Variants in GALNT18 observed in about 807,000 individuals in gnomAD.
GALNT18 encodes the protein GalNAc-transferase 18.
In GALNT18, 44 loss-of-function variants were observed where a neutral mutation model predicts 69.5. The ratio of observed to expected loss-of-function variants is 0.63; its 90% confidence interval spans 0.50 to 0.81. GALNT18 has a LOEUF of 0.81. GALNT18 is among the 40% of genes least tolerant of loss of function. The pLI is 0.00. For missense variants in GALNT18, 715 were observed against 810.0 expected, an observed-to-expected ratio of 0.88 and a Z score of 1.42; for synonymous variants, 364 against 318.2, an observed-to-expected ratio of 1.14 and a Z score of -1.53.
intron 1 of GALNT18, among the ~76,000 whole-genome samples, chr11:11,452,758 C>T (rs1855832520): frequency 6.6e-6 from 1 of 152,124 alleles, no homozygotes; most frequent in Admixed American, 6.5e-5. Flanking sequence ...ATACCCAGAC[C>T]CTCTGATGTC....
At chr11:11,486,511 C>A (rs752496044) in intron 1 of GALNT18, among the ~76,000 whole-genome samples, 1 of 152,218 alleles carries the variant, frequency 6.6e-6, no homozygotes, top group Non-Finnish European at 1.5e-5. Context: ...AAAAATAATT[C>A]ATAGTACTAG....
rs753837889 is a variant in GALNT18, at chr11:11,621,511, T to C, written c.83A>G (p.Tyr28Cys). ...GATGTAGTTGGTGACCCAGCCCACG[T>C]AGAGCAGGCAGATGATGTTAGTCAT... ...SGMTNIICLL[Y>C]VGWVTNYIAS... Residue 28 changes from tyrosine (Y) to cysteine (C), a missense_variant, in exon 1 of 11, where the codon TAC becomes TGC. Tyr to Cys is a radical substitution (Grantham distance 194). Coordinates refer to ENST00000227756, the MANE Select transcript of GALNT18 (RefSeq NM_198516.3). The surrounding 1 kb of genome is among the most constrained non-coding windows in gnomAD (Gnocchi z 9.3). 5 of 1,614,012 alleles carry C rather than the reference T, an allele frequency of 3.1e-6. No individual in the cohort carries two copies. The highest frequency in any genetic ancestry group is 3.4e-6 in the Non-Finnish European group (4 of 1,180,024).
At chr11:11,475,317 T>C (rs1211421883) in intron 1 of GALNT18, 3 of 152,250 alleles carry the variant, frequency 2.0e-5, no homozygotes, top group Non-Finnish European at 2.9e-5. Context: ...GCTGTTAACA[T>C]CTACTTTCCA....
Position 11,340,837 on chromosome 11 carries a change from T to C in GALNT18, c.1260A>G (p.Ala420=), listed in dbSNP as rs140776632. The change falls in exon 7 of 11, where the codon GCA becomes GCG. Residue 420 remains alanine (A), a synonymous_variant. Transcript: ENST00000227756. The surrounding 1 kb of genome is among the most constrained non-coding windows in gnomAD (Gnocchi z 4.2). ...MDEFKSHVYM[A]WNIPQEDSGI... ...TCCCTACCTCCTGCGGTATGTTCCA[T>C]GCCATGTAGACGTGGCTTTTAAATT... The C allele has an allele frequency of 1.3e-4, 202 of 1,613,444 alleles. No individual in the cohort carries two copies. The highest frequency in any genetic ancestry group is 3.3e-4 in the East Asian group (15 of 44,866).
intron 3 of GALNT18, among the ~76,000 whole-genome samples, chr11:11,427,930 T>G (rs933258901): frequency 2.0e-5 from 3 of 152,136 alleles, no homozygotes; most frequent in African/African-American, 7.2e-5. Context: ...TGAGAAAACC[T>G]AAGCCCAGAG....
intron 3 of GALNT18, among the ~76,000 whole-genome samples, chr11:11,412,291 G>C (rs541117369): frequency 6.6e-6 from 1 of 152,240 alleles, no homozygotes; most frequent in African/African-American, 2.4e-5. Flanking sequence ...GGCCCTACTA[G>C]ACCCCTACTA....
At chr11:11,548,498 A>T (rs972145884) in intron 1 of GALNT18, among the ~76,000 whole-genome samples, 1 of 152,160 alleles carries the variant, frequency 6.6e-6, no homozygotes, top group African/African-American at 2.4e-5. Context: ...GCTCACAGGA[A>T]CCTCTGCATG....
intron 1 of GALNT18, among the ~76,000 whole-genome samples, chr11:11,548,081 C>A (rs1251021865): frequency 6.6e-6 from 1 of 152,208 alleles, no homozygotes; most frequent in African/African-American, 2.4e-5. Flanking sequence ...CCTCATGATG[C>A]AAGATGCCAG....
chr11:11,370,022 C>T (rs780304474), intron 6 of GALNT18, among the ~76,000 whole-genome samples: 5 of 152,004 alleles, frequency 3.3e-5, no homozygotes, highest in Admixed American at 2.0e-4. Flanking sequence ...CTACCTCTTA[C>T]GAGGTACATG....
chr11:11,556,674 A>G (rs1156777139), intron 1 of GALNT18, among the ~76,000 whole-genome samples: 3 of 152,244 alleles, frequency 2.0e-5, no homozygotes, highest in African/African-American at 7.2e-5. Context: ...TGAAAACAGG[A>G]AAGCAGGATA....
intron 1 of GALNT18, among the ~76,000 whole-genome samples, chr11:11,466,368 T>G (rs4910349): frequency 6.6e-6 from 1 of 152,174 alleles, no homozygotes; most frequent in Non-Finnish European, 1.5e-5. Flanking sequence ...TGAAAACAAA[T>G]AGAAACAATG....
At chr11:11,331,926 G>A (rs541078158) in intron 8 of GALNT18, among the ~76,000 whole-genome samples, 3 of 152,192 alleles carry the variant, frequency 2.0e-5, no homozygotes, top group Admixed American at 2.0e-4. Flanking sequence ...TTGAGAAAAT[G>A]GGAGAGTTTA....
intron 9 of GALNT18, among the ~76,000 whole-genome samples, chr11:11,300,648 T>C (rs909256502): frequency 2.6e-5 from 4 of 152,182 alleles, no homozygotes; most frequent in Middle Eastern, 3.4e-3. Context: ...GCAAAGGTCA[T>C]TGAAGGCACA....
intron 1 of GALNT18, among the ~76,000 whole-genome samples, chr11:11,467,219 C>T (rs78188042): frequency 0.12 from 18,431 of 152,178 alleles, 1,600 homozygotes; most frequent in East Asian, 0.36. Context: ...CACACTGACA[C>T]GCAGAAGCCA....
rs1401406793 is a variant in GALNT18, at chr11:11,506,948, G to GA, written c.236-58013dup. On this transcript the variant is annotated intron_variant, in intron 1 of 10. Coordinates refer to ENST00000227756, the MANE Select transcript of GALNT18 (RefSeq NM_198516.3). Reference sequence around the variant, plus strand: ...CTTCCACAGTAGATGCCCCAGACAAGAAAAAGTACAGGACAAAACCCTTCA... The same window carrying GA: ...CTTCCACAGTAGATGCCCCAGACAAGAAAAAAGTACAGGACAAAACCCTTCA... Among the ~76,000 whole-genome samples, 11 of 152,222 alleles carry GA rather than the reference G, an allele frequency of 7.2e-5. No individual in the cohort carries two copies. The East Asian group carries it at 2.1e-3, about 29-fold the overall frequency.
At chr11:11,487,476 G>A (rs1856669237) in intron 1 of GALNT18, among the ~76,000 whole-genome samples, 1 of 152,142 alleles carries the variant, frequency 6.6e-6, no homozygotes, top group African/African-American at 2.4e-5. Context: ...TTAGTATTAG[G>A]AAATGCTAGT....
At chr11:11,490,356 G>A (rs762987698) in intron 1 of GALNT18, among the ~76,000 whole-genome samples, 2 of 151,870 alleles carry the variant, frequency 1.3e-5, no homozygotes, top group Admixed American at 6.6e-5. Flanking sequence ...TCAGAACTAT[G>A]AGCCAATAAA....
rs567601154 is a variant in GALNT18 at position 11,382,844 on chromosome 11, A to C, written c.596-3580T>G. On this transcript the variant is annotated intron_variant, in intron 3 of 10. Transcript: ENST00000227756. This position sits in a 1 kb window ranked among gnomAD's most constrained non-coding sequence, Gnocchi z 4.3. The stretch of plus-strand genomic sequence containing the variant: ...ACAGTAGTATAATTGTGGAAGGAAA[A>C]GGGAAGGTATATTTTGTGCTTGTTT... Among the ~76,000 whole-genome samples the C allele has an allele frequency of 8.5e-5, 13 of 152,280 alleles. No homozygotes were observed. In the East Asian group the frequency reaches 2.3e-3, roughly 27 times the overall value.
rs1010223017 is a variant in GALNT18 at position 11,415,681 on chromosome 11, AC to A, written c.595+16939del. ...CTAAAGTGGGCATAAAAACCCTAAA[AC>A]ATAGAACAGAAAAGACAGAATCTAT... On this transcript the variant is annotated intron_variant, in intron 3 of 10. Coordinates refer to ENST00000227756, the MANE Select transcript of GALNT18 (RefSeq NM_198516.3). This position sits in a 1 kb window ranked among gnomAD's most constrained non-coding sequence, Gnocchi z 4.1. 2.0e-5 allele frequency among the ~76,000 whole-genome samples: 3 copies of A among 152,110 alleles called. No homozygotes were observed. Among genetic ancestry groups the A allele is most frequent in the African/African-American group, 7.2e-5 (3 of 41,410 alleles).
Sources: gnomAD v4.1 joint callset for allele counts (sites outside exome capture counted in the v4.1 genomes callset) on GRCh38, gnomAD v4.1.1 for gene constraint, Gnocchi (gnomAD v3.1) non-coding constraint, MANE v1.5 for transcripts, NCBI Gene and HGNC (gene_info 2026-07-23, HGNC 2026-07-21) for gene names.